Variants in CNTN2 observed in about 807,000 individuals in gnomAD.
CNTN2 encodes contactin-2.
In CNTN2, 53 loss-of-function variants were observed where a neutral mutation model predicts 117.5. The observed-to-expected ratio is 0.45, with a 90% CI of 0.36 to 0.57. CNTN2 has a LOEUF of 0.57. CNTN2 is among the 20% of genes least tolerant of loss of function. The pLI is 0.00. For missense variants in CNTN2, 1,106 were observed against 1,404.3 expected (o/e 0.79, Z 3.39); for synonymous variants, 530 against 561.7 (o/e 0.94, Z 0.80).
chr1:205,069,530 G>A lies in CNTN2; in HGVS notation c.2165G>A (p.Gly722Glu). 6.2e-7 allele frequency: 1 copy of A among 1,613,914 alleles called. No homozygotes were observed. The highest frequency in any genetic ancestry group is 8.5e-7 in the Non-Finnish European group (1 of 1,180,030). ...VAPSGLSGGGGAPGELIVNWT... is the reference protein window; with the variant it reads ...VAPSGLSGGGEAPGELIVNWT... Reference sequence around the variant, plus strand: ...CCCTCAGGACTCAGCGGAGGAGGTGGAGCCCCCGGAGAGCTCATCGTCAAC... The same window carrying A: ...CCCTCAGGACTCAGCGGAGGAGGTGAAGCCCCCGGAGAGCTCATCGTCAAC... The change falls in exon 17 of 23, where the codon GGA becomes GAA. Residue 722 changes from glycine (G) to glutamate (E), a missense_variant. Physicochemically the swap from Gly to Glu is moderately conservative, Grantham distance 98. Coordinates refer to ENST00000331830, the MANE Select transcript of CNTN2 (RefSeq NM_005076.5).
At chr1:205,051,395 T>A (rs913153848) in intron 1 of CNTN2, among the ~76,000 whole-genome samples, 5 of 152,194 alleles carry the variant, frequency 3.3e-5, no homozygotes, top group Non-Finnish European at 2.9e-5. Context: ...GAGACTGCCT[T>A]GCCTAGGAAG....
In CNTN2 at chr1:205,058,967, G is replaced by A; in HGVS notation, c.488-117G>A. On this transcript the variant is annotated intron_variant, in intron 5 of 22. Transcript: ENST00000331830. This position sits in a 1 kb window ranked among gnomAD's most constrained non-coding sequence, Gnocchi z 4.3. Reference sequence around the variant, plus strand: ...TAGGTCTCCCCTTAGCCCCAGTTCAGAGCATGGTGGCTGTCAGGACAGGGC... The same window carrying A: ...TAGGTCTCCCCTTAGCCCCAGTTCAAAGCATGGTGGCTGTCAGGACAGGGC... 1.1e-6 allele frequency: 1 copy of A among 907,930 alleles called. No homozygotes were observed. The highest frequency in any genetic ancestry group is 1.7e-6 in the Non-Finnish European group (1 of 575,934). The allele number at this position is 907,930 out of a possible 1,614,324, so 56.2% of individuals were successfully genotyped here.
chr1:205,074,417 TG>T lies in CNTN2; in HGVS notation c.*656del. 1 of 399,328 alleles carries T rather than the reference TG, an allele frequency of 2.5e-6. No homozygotes were observed. The highest frequency in any genetic ancestry group is 4.4e-6 in the Non-Finnish European group (1 of 226,438). The allele number at this position is 399,328 out of a possible 1,614,324, so 24.7% of individuals were successfully genotyped here. Reference sequence around the variant, plus strand: ...GAGGGGGGTGATACTCCAGGCTGTTTGGGGTGGGAGCCAAAAAGAGTTGAGA... The same window carrying T: ...GAGGGGGGTGATACTCCAGGCTGTTTGGGTGGGAGCCAAAAAGAGTTGAGA... On this transcript the variant is annotated 3_prime_UTR_variant, in exon 23 of 23. Transcript: ENST00000331830.
chr1:205,074,092 A>G lies in CNTN2; in HGVS notation c.*327A>G, dbSNP rs1202495899. 2 of 561,514 alleles carry G rather than the reference A, an allele frequency of 3.6e-6. No homozygotes were observed. Among genetic ancestry groups the G allele is most frequent in the Non-Finnish European group, 6.3e-6 (2 of 317,316 alleles). The allele number at this position is 561,514 out of a possible 1,614,324, so 34.8% of individuals were successfully genotyped here. ...GGTTTTAAAAACATGTCTTCAACTCAGCAGAGATGGCCCTCTGGGACCCTA... is the reference window on the plus strand; with the variant it reads ...GGTTTTAAAAACATGTCTTCAACTCGGCAGAGATGGCCCTCTGGGACCCTA... On this transcript the variant is annotated 3_prime_UTR_variant, in exon 23 of 23. Transcript: ENST00000331830.
chr1:205,046,839 C>A (rs1318023930), intron 1 of CNTN2, among the ~76,000 whole-genome samples: 2 of 152,178 alleles, frequency 1.3e-5, no homozygotes, highest in African/African-American at 4.8e-5. Flanking sequence ...AGTAGGAAAA[C>A]CTAAGGTCTG....
chr1:205,070,229 T>C (rs965534472), intron 18 of CNTN2, 168 bp downstream of exon 18: 12 of 765,324 alleles, frequency 1.6e-5, no homozygotes, highest in Non-Finnish European at 2.3e-5. Context: ...CTACCTTGTC[T>C]CCCTTCGGGG....
chr1:205,052,867 T>TG, intron 1 of CNTN2, among the ~76,000 whole-genome samples: 1 of 152,088 alleles, frequency 6.6e-6, no homozygotes, highest in Non-Finnish European at 1.5e-5. Flanking sequence ...TGGGGGCAGG[T>TG]GGGGGTACAG....
chr1:205,059,399 T>C lies in CNTN2; in HGVS notation c.697+106T>C. On this transcript the variant is annotated intron_variant, in intron 6 of 22. Transcript: ENST00000331830. This position sits in a 1 kb window ranked among gnomAD's most constrained non-coding sequence, Gnocchi z 5.6. ...ATTGGAAGATCAGCTTGCAGGGCACTGATTCCAGGCCCTGGACCCCCAGAT... is the reference window on the plus strand; with the variant it reads ...ATTGGAAGATCAGCTTGCAGGGCACCGATTCCAGGCCCTGGACCCCCAGAT... 8.0e-7 allele frequency: 1 copy of C among 1,255,384 alleles called. No individual in the cohort carries two copies. The highest frequency in any genetic ancestry group is 1.1e-6 in the Non-Finnish European group (1 of 886,630). 77.8% of individuals were successfully genotyped at this position (1,255,384 alleles called of 1,614,324 possible). A position where few individuals can be genotyped will look rare whatever the true frequency, so the allele number is the denominator to read the frequency against.
At position 205,073,223 on chromosome 1, in the gene CNTN2, CG is replaced by C; in HGVS notation, c.3001del (p.Val1001Ter). ...ATGGGATCCCTGCAGAAGTCCACAT[CG>C]TGAGGAATGGAGGTGCTGCTCCTCC... ...GDGIPAEVHI[V>X]RNGGTSMMVE... On this transcript the variant is annotated frameshift_variant, in exon 22 of 23. Coordinates refer to ENST00000331830, the MANE Select transcript of CNTN2 (RefSeq NM_005076.5). LOFTEE classifies it low-confidence loss of function (END_TRUNC). This position sits in a 1 kb window ranked among gnomAD's most constrained non-coding sequence, Gnocchi z 6.3. 1 of 1,613,992 alleles carries C rather than the reference CG, an allele frequency of 6.2e-7. No individual in the cohort carries two copies. Among genetic ancestry groups the C allele is most frequent in the Non-Finnish European group, 8.5e-7 (1 of 1,179,966 alleles).
intron 15 of CNTN2, 95 bp from the exon 16 acceptor site, chr1:205,067,006 G>A (rs1574655574): frequency 6.9e-7 from 1 of 1,457,102 alleles, no homozygotes; most frequent in Non-Finnish European, 9.3e-7. Flanking sequence ...CGAAGTGAGG[G>A]CTGGGTAGAT....
rs563630554 is a variant in CNTN2 at position 205,075,894 on chromosome 1, A to C, written c.*2129A>C. 3.9e-5 allele frequency: 6 copies of C among 152,194 alleles called. No homozygotes were observed. Among genetic ancestry groups the C allele is most frequent in the Non-Finnish European group, 8.8e-5 (6 of 68,046 alleles). The allele number at this position is 152,194 out of a possible 1,614,324, so 9.4% of individuals were successfully genotyped here. On this transcript the variant is annotated 3_prime_UTR_variant, in exon 23 of 23. Coordinates refer to ENST00000331830, the MANE Select transcript of CNTN2 (RefSeq NM_005076.5). ...GCCTGTGCCTGGTTCTCTATCAGAA[A>C]GGGGATGCTGAACAAAACCTCCTTC...
intron 1 of CNTN2, among the ~76,000 whole-genome samples, chr1:205,049,142 G>A (rs1228236943): frequency 1.3e-5 from 2 of 151,926 alleles, no homozygotes; most frequent in East Asian, 1.9e-4. Flanking sequence ...CGGATTATTC[G>A]TGATTACCCA....
At chr1:205,045,448 A>G (rs775366307) in intron 1 of CNTN2, among the ~76,000 whole-genome samples, 12 of 152,052 alleles carry the variant, frequency 7.9e-5, no homozygotes, top group Non-Finnish European at 1.3e-4. Flanking sequence ...TGGCTGACCA[A>G]ACTTACTCCT....
chr1:205,047,412 G>A (rs1432359608), intron 1 of CNTN2, among the ~76,000 whole-genome samples: 5 of 152,174 alleles, frequency 3.3e-5, no homozygotes, highest in African/African-American at 1.2e-4. Flanking sequence ...TGATGGTGCT[G>A]TCCCAGGAGG....
Position 205,053,182 on chromosome 1 carries a change from C to T in CNTN2, c.-4C>T, listed in dbSNP as rs1259697280. ...CGATCCCCACCTCTGCCCGGACATC[C>T]ACCATGGGGACAGCCACCAGGAGGA... On this transcript the variant is annotated 5_prime_UTR_variant, in exon 2 of 23. Transcript: ENST00000331830. 5 of 1,611,546 alleles carry T rather than the reference C, an allele frequency of 3.1e-6. No individual in the cohort carries two copies. In the African/African-American group the frequency reaches 6.7e-5, roughly 22 times the overall value.
chr1:205,072,720 CTG>C, intron 21 of CNTN2, 125 bp downstream of exon 21: 1 of 733,030 alleles, frequency 1.4e-6, no homozygotes, highest in South Asian at 1.6e-5. Context: ...GGGTTTGTGA[CTG>C]TGAGAGGAAT....
intron 2 of CNTN2, among the ~76,000 whole-genome samples, chr1:205,054,683 G>T (rs1204971125): frequency 6.6e-6 from 1 of 152,194 alleles, no homozygotes; most frequent in African/African-American, 2.4e-5. Flanking sequence ...ACCTCCCAGA[G>T]CTCCAGAGAG....
intron 16 of CNTN2, chr1:205,068,135 G>C (rs1330193906): frequency 6.6e-6 from 1 of 152,086 alleles, no homozygotes; most frequent in South Asian, 2.1e-4. Context: ...AGTGGAGAAG[G>C]AGGGGGAGAA....
chr1:205,053,381 G>A (rs2096456135), intron 2 of CNTN2, 126 bp downstream of exon 2: 1 of 704,692 alleles, frequency 1.4e-6, no homozygotes, highest in East Asian at 3.2e-5. Flanking sequence ...AGATTTCTGA[G>A]GCCATTTCCT....
Sources: allele counts gnomAD v4.1 joint callset (sites outside exome capture counted in the v4.1 genomes callset), GRCh38; gene constraint gnomAD v4.1.1; non-coding constraint Gnocchi (gnomAD v3.1); transcripts MANE v1.5; gene names NCBI Gene and HGNC (gene_info 2026-07-23, HGNC 2026-07-21).